Variants in NHLRC2 observed in about 807,000 individuals in gnomAD.
NHLRC2 encodes the protein NHL repeat containing 2, also known as NHL repeat-containing protein 2.
In NHLRC2, 33 loss-of-function variants were observed where a neutral mutation model predicts 68.1. The observed-to-expected ratio is 0.48, with a 90% CI of 0.37 to 0.65. NHLRC2 has a LOEUF of 0.65. NHLRC2 is among the 30% of genes least tolerant of loss of function. NHLRC2 has a pLI of 0.00. For synonymous variants in NHLRC2, 311 were observed against 309.6 expected (o/e 1.00, Z -0.05); for missense variants, 761 against 853.8 (o/e 0.89, Z 1.35).
chr10:113,876,345 A>G (rs1845979800), intron 2 of NHLRC2, among the ~76,000 whole-genome samples, 176 bp from the exon 3 acceptor site: 1 of 152,056 alleles, frequency 6.6e-6, no homozygotes, highest in African/African-American at 2.4e-5. Flanking sequence ...TGAGATTTAA[A>G]TTTGTTAGTT....
intron 3 of NHLRC2, among the ~76,000 whole-genome samples, chr10:113,878,497 G>T (rs1846006167): frequency 6.6e-6 from 1 of 152,026 alleles, no homozygotes; most frequent in African/African-American, 2.4e-5. Flanking sequence ...GACAGACTTG[G>T]GATTTAGACA....
intron 5 of NHLRC2, among the ~76,000 whole-genome samples, chr10:113,892,824 C>G (rs1846144982): frequency 6.6e-6 from 1 of 152,076 alleles, no homozygotes. Flanking sequence ...AGTTTCATAG[C>G]CTCTTTATAC....
Position 113,876,613 on chromosome 10 carries a change from A to G in NHLRC2, c.424A>G (p.Thr142Ala), listed in dbSNP as rs202146053. 1 of 1,613,714 alleles carries G rather than the reference A, an allele frequency of 6.2e-7. No homozygotes were observed. The highest frequency in any genetic ancestry group is 1.7e-5 in the Admixed American group (1 of 59,978). ...IKSAVLRYNI[T>A]HPMVNDADAS... is the part of the protein sequence containing the mutation. ...GAGTGCTGTTCTTCGATACAACATC[A>G]CCCACCCTATGGTTAATGATGCAGA... Residue 142 changes from threonine (T) to alanine (A), a missense_variant, in exon 3 of 11, where the codon ACC becomes GCC. Physicochemically the swap from Thr to Ala is moderately conservative, Grantham distance 58. Coordinates refer to ENST00000369301, the MANE Select transcript of NHLRC2 (RefSeq NM_198514.4).
chr10:113,879,357 A>G (rs1846015976), intron 3 of NHLRC2, among the ~76,000 whole-genome samples: 4 of 152,316 alleles, frequency 2.6e-5, no homozygotes, highest in Admixed American at 6.5e-5. Flanking sequence ...TCTTCGCTAT[A>G]TACTACTATG....
At chr10:113,871,958 G>A (rs1176914871) in intron 2 of NHLRC2, among the ~76,000 whole-genome samples, 1 of 152,140 alleles carries the variant, frequency 6.6e-6, no homozygotes, top group Non-Finnish European at 1.5e-5. Context: ...GTGTAGGGGA[G>A]ACTTAAAAGA....
rs1312197153 is a variant in NHLRC2, at chr10:113,876,987, CT to C, written c.787+13del. 6.7e-7 allele frequency: 1 copy of C among 1,489,794 alleles called. No homozygotes were observed. Among genetic ancestry groups the C allele is most frequent in the African/African-American group, 1.4e-5 (1 of 71,222 alleles). 92.3% of individuals were successfully genotyped at this position (1,489,794 alleles called of 1,614,324 possible). A position where few individuals can be genotyped will look rare whatever the true frequency, so the allele number is the denominator to read the frequency against. On this transcript the variant is annotated intron_variant, in intron 3 of 10. Transcript: ENST00000369301. ...AATATAGCATTGGAGGTAAAACTTG[CT>C]TCTGATTACGATAGATAACGTGTTT...
At position 113,913,047 on chromosome 10, in the gene NHLRC2, T is replaced by C. The variant is rs1201332142; in HGVS notation, c.*4511T>C. On this transcript the variant is annotated 3_prime_UTR_variant, in exon 11 of 11. Coordinates refer to ENST00000369301, the MANE Select transcript of NHLRC2 (RefSeq NM_198514.4). ...TATTTTCCAGCACTCATCTATTAAG[T>C]GCTTTTATGTATTAACTCATTTAAT... The C allele has an allele frequency of 6.6e-6, 1 of 152,236 alleles. No individual in the cohort carries two copies. The highest frequency in any genetic ancestry group is 1.9e-4 in the East Asian group (1 of 5,204). 9.4% of individuals were successfully genotyped at this position (152,236 alleles called of 1,614,324 possible).
At chr10:113,885,155 C>T (rs1846069923) in intron 5 of NHLRC2, among the ~76,000 whole-genome samples, 1 of 151,778 alleles carries the variant, frequency 6.6e-6, no homozygotes, top group South Asian at 2.1e-4. Context: ...AAAAGCTTTA[C>T]ATTTGAGGTA....
chr10:113,896,363 G>A (rs1846177794), intron 5 of NHLRC2, among the ~76,000 whole-genome samples: 1 of 152,018 alleles, frequency 6.6e-6, no homozygotes, highest in South Asian at 2.1e-4. Context: ...CATGTCCTTT[G>A]TAGGGACATG....
intron 1 of NHLRC2, among the ~76,000 whole-genome samples, chr10:113,857,612 A>T (rs919493792): frequency 2.0e-5 from 3 of 152,190 alleles, no homozygotes; most frequent in African/African-American, 7.2e-5. Flanking sequence ...TAATAGCTGC[A>T]TTGAGTTATT....
At chr10:113,883,005 T>C (rs1846049130) in intron 4 of NHLRC2, among the ~76,000 whole-genome samples, 1 of 151,874 alleles carries the variant, frequency 6.6e-6, no homozygotes, top group Non-Finnish European at 1.5e-5. Flanking sequence ...ATCATAGATG[T>C]ATGGACCCAT....
At chr10:113,876,407 G>GTT in intron 2 of NHLRC2, 114 bp from the exon 3 acceptor site, 1 of 579,236 alleles carries the variant, frequency 1.7e-6, no homozygotes, top group Non-Finnish European at 2.9e-6. Context: ...TCTACTTTTC[G>GTT]TTTTTTTTTA....
chr10:113,906,414 T>C (rs1258950829), intron 10 of NHLRC2, among the ~76,000 whole-genome samples: 2 of 152,126 alleles, frequency 1.3e-5, no homozygotes, highest in Non-Finnish European at 2.9e-5. Flanking sequence ...TATTATAGAG[T>C]ACATTTGTAC....
Position 113,868,905 on chromosome 10 carries a change from A to G in NHLRC2, c.332-7616A>G, listed in dbSNP as rs571760145. Among the ~76,000 whole-genome samples the G allele has an allele frequency of 2.0e-5, 3 of 152,296 alleles. No homozygotes were observed. The East Asian group carries it at 5.8e-4, about 29-fold the overall frequency. On this transcript the variant is annotated intron_variant, in intron 2 of 10. Coordinates refer to ENST00000369301, the MANE Select transcript of NHLRC2 (RefSeq NM_198514.4). ...CACTGTATGCCAACCCTATAAAGCAAAAGGAATAATATTATTGAGGAACCA... is the reference window on the plus strand; with the variant it reads ...CACTGTATGCCAACCCTATAAAGCAGAAGGAATAATATTATTGAGGAACCA...
chr10:113,900,191 A>G (rs1384282962), intron 6 of NHLRC2, among the ~76,000 whole-genome samples: 1 of 152,130 alleles, frequency 6.6e-6, no homozygotes, highest in African/African-American at 2.4e-5. Context: ...AAGTGACATG[A>G]TTAGATTTGT....
In NHLRC2 at chr10:113,902,481, C is replaced by T; in HGVS notation, c.1382C>T (p.Ala461Val). The T allele has an allele frequency of 1.3e-6, 2 of 1,562,108 alleles. No individual in the cohort carries two copies. The highest frequency in any genetic ancestry group is 1.7e-6 in the Non-Finnish European group (2 of 1,156,832). ...GGERDPMNLFAFGDVDGVGIN... is the reference protein window; with the variant it reads ...GGERDPMNLFVFGDVDGVGIN... ...TAAAAAAAATTAAAGAATTTATTTG[C>T]TTTTGGTGATGTTGATGGAGTAGGA... The change falls in exon 8 of 11, where the codon GCT becomes GTT. Residue 461 changes from alanine to valine, a missense_variant. Coordinates refer to ENST00000369301, the MANE Select transcript of NHLRC2 (RefSeq NM_198514.4).
intron 3 of NHLRC2, 123 bp downstream of exon 3, chr10:113,877,099 T>A: frequency 1.8e-6 from 1 of 558,878 alleles, no homozygotes; most frequent in Non-Finnish European, 2.9e-6. Context: ...TACATTGACT[T>A]AATTTCCTAA....
At chr10:113,904,711 C>A (rs908794762) in intron 9 of NHLRC2, 106 bp from the exon 10 acceptor site, 1 of 801,196 alleles carries the variant, frequency 1.2e-6, no homozygotes, top group Non-Finnish European at 2.0e-6. Flanking sequence ...CGATTAGTTT[C>A]ATTGACATAG....
intron 1 of NHLRC2, among the ~76,000 whole-genome samples, chr10:113,855,788 C>G (rs1396587382): frequency 6.6e-6 from 1 of 152,162 alleles, no homozygotes; most frequent in Non-Finnish European, 1.5e-5. Flanking sequence ...CGTGAGCCAC[C>G]GCGCCCGGCC....
Sources: allele counts gnomAD v4.1 joint callset (sites outside exome capture counted in the v4.1 genomes callset), GRCh38; gene constraint gnomAD v4.1.1; transcripts MANE v1.5; gene names NCBI Gene and HGNC (gene_info 2026-07-23, HGNC 2026-07-21).